BRME1: variants seen among roughly 807,000 people sequenced by gnomAD.
The protein encoded by BRME1 is BRCA2 and MEILB2-associating protein 1.
Under a neutral mutation model 52.6 loss-of-function variants are expected in BRME1, and 31 were observed. That is an observed-to-expected ratio of 0.59 (90% CI 0.44 to 0.80). BRME1 has a LOEUF of 0.80. Among genes scored for constraint, BRME1 ranks in the 30% least tolerant of loss-of-function variants. The probability of loss-of-function intolerance (pLI) is 0.00; values close to 1 mark genes in which losing one functional copy is unlikely to be tolerated. For synonymous variants in BRME1, 359 were observed against 353.6 expected, an observed-to-expected ratio of 1.02 and a Z score of -0.17; for missense variants, 804 against 860.3, an observed-to-expected ratio of 0.93 and a Z score of 0.82.
chr19:13,886,052 A>G lies in BRME1; in HGVS notation c.1672T>C (p.Phe558Leu). The G allele has an allele frequency of 6.2e-7, 1 of 1,613,794 alleles. No individual in the cohort carries two copies. ...GGGCCCGGCTTGTTCCCCGAAGGAA[A>G]GAGCTGGAAAGAGAGCACAAGGTGT... ...SDFEAPPEQL[F>L]PSGNKPGPCW... Residue 558 changes from phenylalanine (F) to leucine (L), a missense_variant, in exon 7 of 9, where the codon TTT becomes CTT. Transcript: ENST00000586783.
At position 13,892,918 on chromosome 19, in the gene BRME1, G is replaced by A. The variant is rs552455358; in HGVS notation, c.289-28C>T. On this transcript the variant is annotated intron_variant, in intron 4 of 8. Transcript: ENST00000586783. ...GTAAACCGGATACAAGAACAAAGCA[G>A]CAATAAAGATAAGAGAGGAATGAGG... is the stretch of plus-strand genomic sequence containing the variant. The A allele has an allele frequency of 2.5e-6, 4 of 1,592,550 alleles. No homozygotes were observed. In the East Asian group the frequency reaches 8.9e-5, roughly 36 times the overall value.
At chr19:13,884,361 C>T (rs1404094032) in intron 7 of BRME1, among the ~76,000 whole-genome samples, 2 of 151,674 alleles carry the variant, frequency 1.3e-5, no homozygotes, top group Non-Finnish European at 2.9e-5. Context: ...CACGATGGCT[C>T]ATGCCTGTAA....
Position 13,891,135 on chromosome 19 carries a change from T to TTTATTA in BRME1, c.394-679_394-674dup, listed in dbSNP as rs148642817. On this transcript the variant is annotated intron_variant, in intron 5 of 8. Transcript: ENST00000586783. ...AGACCACACCAATGTCAATTTCCTG[T>TTTATTA]TTATTATTATTATTATTATTATTAT... 2.4e-3 allele frequency among the ~76,000 whole-genome samples: 354 copies of TTTATTA among 146,658 alleles called. 1 individual carries two copies. Among genetic ancestry groups the TTTATTA allele is most frequent in the African/African-American group, 6.8e-3 (265 of 38,820 alleles).
chr19:13,882,785 A>G lies in BRME1; in HGVS notation c.*17T>C, dbSNP rs1968721834. 1 of 1,613,212 alleles carries G rather than the reference A, an allele frequency of 6.2e-7. No individual in the cohort carries two copies. The highest frequency in any genetic ancestry group is 1.7e-5 in the Admixed American group (1 of 59,700). ...ATGGGGGCTGGGTGGCAAAGGAAAC[A>G]CAGACCTCAAAGTGGCCTACAACTC... On this transcript the variant is annotated 3_prime_UTR_variant, in exon 9 of 9. Coordinates refer to ENST00000586783, the MANE Select transcript of BRME1 (RefSeq NM_001345843.2).
At chr19:13,885,776 C>T (rs1220324592) in intron 7 of BRME1, among the ~76,000 whole-genome samples, 185 bp downstream of exon 7, 1 of 152,176 alleles carries the variant, frequency 6.6e-6, no homozygotes, top group Non-Finnish European at 1.5e-5. Flanking sequence ...TCACTGTCGC[C>T]CATTCTCTGC....
chr19:13,904,490 A>AT (rs1265049230), intron 2 of BRME1, among the ~76,000 whole-genome samples: 3 of 151,924 alleles, frequency 2.0e-5, no homozygotes, highest in Non-Finnish European at 2.9e-5. Context: ...TGCCCAGGCT[A>AT]GAGTGCAGTG....
intron 2 of BRME1, among the ~76,000 whole-genome samples, chr19:13,904,345 G>A (rs1397226401): frequency 1.3e-5 from 2 of 151,896 alleles, no homozygotes; most frequent in Admixed American, 6.6e-5. Flanking sequence ...GGACTCAAGC[G>A]ATCCGCCCAC....
Position 13,882,611 on chromosome 19 carries a change from T to G in BRME1, c.*191A>C. The G allele has an allele frequency of 1.5e-6, 1 of 660,896 alleles. No homozygotes were observed. Among genetic ancestry groups the G allele is most frequent in the Non-Finnish European group, 2.5e-6 (1 of 394,412 alleles). 40.9% of individuals were successfully genotyped at this position (660,896 alleles called of 1,614,324 possible). A position where few individuals can be genotyped will look rare whatever the true frequency, so the allele number is the denominator to read the frequency against. The stretch of plus-strand genomic sequence containing the variant: ...CAGTTTCCCTCCCTGAAGCCAAGGG[T>G]GGCAAATGACCTTGACCCTGGCCAG... On this transcript the variant is annotated 3_prime_UTR_variant, in exon 9 of 9. Transcript: ENST00000586783.
chr19:13,889,612 G>A lies in BRME1; in HGVS notation c.1244C>T (p.Pro415Leu). The A allele has an allele frequency of 1.9e-6, 3 of 1,609,920 alleles. No individual in the cohort carries two copies. The South Asian group carries it at 3.3e-5, about 18-fold the overall frequency. ...GKPPGDVLVGPTASLALAPGS... is the reference protein window; with the variant it reads ...GKPPGDVLVGLTASLALAPGS... ...AGGTGCCAGAGCCAGGGAGGCTGTAGGGCCCACTAGGACATCGCCGGGGGG... is the reference window on the plus strand; with the variant it reads ...AGGTGCCAGAGCCAGGGAGGCTGTAAGGCCCACTAGGACATCGCCGGGGGG... The change falls in exon 6 of 9, where the codon CCT (proline) becomes CTT (leucine). Residue 415 changes from proline to leucine, a missense_variant. Pro to Leu is a moderately conservative substitution (Grantham distance 98, BLOSUM62 -3). This residue lies in a region of BRME1 where 552 missense variants were observed against 561.1 expected (regional missense o/e 0.98). Coordinates refer to ENST00000586783, the MANE Select transcript of BRME1 (RefSeq NM_001345843.2).
chr19:13,884,325 C>T (rs1417711258), intron 7 of BRME1, among the ~76,000 whole-genome samples: 1 of 151,204 alleles, frequency 6.6e-6, no homozygotes, highest in East Asian at 1.9e-4. Context: ...CAGAGCAAGA[C>T]TCTATCTAAA....
At position 13,882,881 on chromosome 19, in the gene BRME1, C is replaced by T. The variant is rs1434136552; in HGVS notation, c.1928G>A (p.Gly643Glu). Residue 643 changes from glycine (G) to glutamate (E), a missense_variant, in exon 9 of 9, where the codon GGA (glycine) becomes GAA (glutamate). Physicochemically the swap from Gly to Glu is moderately conservative, Grantham distance 98. This residue lies in a region of BRME1 where 552 missense variants were observed against 561.1 expected (regional missense o/e 0.98). Coordinates refer to ENST00000586783, the MANE Select transcript of BRME1 (RefSeq NM_001345843.2). The part of the protein sequence containing the change: ...KRLNYRKTKL[G>E]GKAPLPYPSK... ...AGGGTAAGGCAGGGGGGCTTTGCCT[C>T]CCAGCTTTGTCTTCCGGTAGTTAAG... 1.2e-6 allele frequency: 2 copies of T among 1,613,884 alleles called. No individual in the cohort carries two copies. Among genetic ancestry groups the T allele is most frequent in the African/African-American group, 2.7e-5 (2 of 74,900 alleles).
chr19:13,885,585 C>T, intron 7 of BRME1: 1 of 183,852 alleles, frequency 5.4e-6, no homozygotes, highest in South Asian at 1.2e-4. Flanking sequence ...GGAACAGCTC[C>T]AAGATGGTCT....
Position 13,888,856 on chromosome 19 carries a change from C to T in BRME1, c.1668+332G>A, listed in dbSNP as rs148388589. Among the ~76,000 whole-genome samples, 223 of 152,212 alleles carry T rather than the reference C, an allele frequency of 1.5e-3. 1 individual carries two copies. The highest frequency in any genetic ancestry group is 5.0e-3 in the African/African-American group (206 of 41,526). The stretch of plus-strand genomic sequence containing the variant: ...CCTCAATACATCCCCTGGGACCCCA[C>T]GGCCAGGGTCAGGCACTGAAGCAGA... On this transcript the variant is annotated intron_variant, in intron 6 of 8. Transcript: ENST00000586783. This position sits in a 1 kb window ranked among gnomAD's most constrained non-coding sequence, Gnocchi z 4.1.
At chr19:13,885,277 A>G (rs572041649) in intron 7 of BRME1, 2 of 152,468 alleles carry the variant, frequency 1.3e-5, no homozygotes, top group Admixed American at 6.5e-5. Flanking sequence ...TAAATAATTG[A>G]TAAGCTGCCG....
intron 2 of BRME1, among the ~76,000 whole-genome samples, chr19:13,897,790 G>T (rs1407763405): frequency 6.6e-6 from 1 of 152,112 alleles, no homozygotes; most frequent in Non-Finnish European, 1.5e-5. Flanking sequence ...TGAGCCCAGA[G>T]GAAGAGATTG....
In BRME1 at chr19:13,895,535, A is replaced by G; in HGVS notation, c.43T>C (p.Cys15Arg). ...KKLRTSGEGL[C>R]PPKPLKNPRL... ...GGGTTCTTTAGGGGTTTTGGAGGACAGAGTCCCTCTCCTGTTTTAGAGACA... is the reference window on the plus strand; with the variant it reads ...GGGTTCTTTAGGGGTTTTGGAGGACGGAGTCCCTCTCCTGTTTTAGAGACA... The change falls in exon 3 of 9, where the codon TGT becomes CGT. Residue 15 changes from cysteine (C) to arginine (R), a missense_variant. By Grantham distance (180) the Cys-to-Arg change is radical (BLOSUM62 -3). Coordinates refer to ENST00000586783, the MANE Select transcript of BRME1 (RefSeq NM_001345843.2). 6.2e-7 allele frequency: 1 copy of G among 1,613,214 alleles called. No homozygotes were observed. Among genetic ancestry groups the G allele is most frequent in the Non-Finnish European group, 8.5e-7 (1 of 1,179,586 alleles).
chr19:13,895,416 G>A lies in BRME1; in HGVS notation c.162C>T (p.Pro54=). Residue 54 remains proline (P), a synonymous_variant, in exon 3 of 9, where the codon CCC becomes CCT. Coordinates refer to ENST00000586783, the MANE Select transcript of BRME1 (RefSeq NM_001345843.2). ...EEPEGKLGPV[P]STQQHGEEPG... is the part of the protein sequence containing the mutation. ...GTTCCTCCCCGTGCTGCTGTGTAGA[G>A]GGAACAGGTCCCAATTTGCCCTCTG... 1 of 1,614,052 alleles carries A rather than the reference G, an allele frequency of 6.2e-7. No individual in the cohort carries two copies. Among genetic ancestry groups the A allele is most frequent in the Non-Finnish European group, 8.5e-7 (1 of 1,180,024 alleles).
chr19:13,884,768 A>G (rs530676905), intron 7 of BRME1, among the ~76,000 whole-genome samples: 127 of 143,972 alleles, frequency 8.8e-4, no homozygotes, highest in Admixed American at 2.0e-3. Flanking sequence ...AAACCCGCCC[A>G]TGCCCCAGGC....
intron 2 of BRME1, among the ~76,000 whole-genome samples, chr19:13,901,569 G>C (rs891761842): frequency 6.6e-6 from 1 of 151,550 alleles, no homozygotes; most frequent in Non-Finnish European, 1.5e-5. Flanking sequence ...CATGGTGGCA[G>C]GTACCTGTAA....
Sources: gnomAD v4.1 joint callset for allele counts (sites outside exome capture counted in the v4.1 genomes callset) on GRCh38, gnomAD v4.1.1 for gene constraint, gnomAD v4.1.1 regional missense constraint, Gnocchi (gnomAD v3.1) non-coding constraint, MANE v1.5 for transcripts, NCBI Gene and HGNC (gene_info 2026-07-23, HGNC 2026-07-21) for gene names.